SYDE2: variants seen among roughly 807,000 people sequenced by gnomAD.
The protein encoded by SYDE2 is rho GTPase-activating protein SYDE2.
Under a neutral mutation model 91.5 loss-of-function variants are expected in SYDE2, and 76 were observed. The ratio of observed to expected loss-of-function variants is 0.83; its 90% confidence interval spans 0.69 to 1.01. The LOEUF is 1.01. Among genes scored for constraint, SYDE2 ranks in the 50% least tolerant of loss-of-function variants. SYDE2 has a pLI of 0.00. For missense variants in SYDE2, 1,364 were observed against 1,367.7 expected, an observed-to-expected ratio of 1.00 and a Z score of 0.04; for synonymous variants, 513 against 506.4, an observed-to-expected ratio of 1.01 and a Z score of -0.18.
rs1025573354 is a variant in SYDE2, at chr1:85,190,479, T to G, written c.1019A>C (p.Tyr340Ser). The G allele has an allele frequency of 1.2e-6, 2 of 1,614,030 alleles. No individual in the cohort carries two copies. The highest frequency in any genetic ancestry group is 8.5e-7 in the Non-Finnish European group (1 of 1,179,888). ...AGAGTTTGTAGCGTTACATACCACA[T>G]ATGTACAGTACTCTTTAGATGATTT... Reference protein sequence around the residue: ...FLKSSKEYCTYVVCNATNSSL... With the variant: ...FLKSSKEYCTSVVCNATNSSL... The change falls in exon 2 of 7, where the codon TAT becomes TCT. Residue 340 changes from tyrosine (Y) to serine (S), a missense_variant. Physicochemically the swap from Tyr to Ser is moderately radical, Grantham distance 144. Transcript: ENST00000341460.
rs918554849 is a variant in SYDE2, at chr1:85,166,574, A to G, written c.2854-1817T>C. On this transcript the variant is annotated intron_variant, in intron 5 of 6. Coordinates refer to ENST00000341460, the MANE Select transcript of SYDE2 (RefSeq NM_032184.2). ...GTAGTAAATGAGTGATGAAGAAGTGATAACAGCTGGAATAAATAGCCCTTC... is the reference window on the plus strand; with the variant it reads ...GTAGTAAATGAGTGATGAAGAAGTGGTAACAGCTGGAATAAATAGCCCTTC... Among the ~76,000 whole-genome samples, 11 of 152,290 alleles carry G rather than the reference A, an allele frequency of 7.2e-5. 1 individual carries two copies. Among genetic ancestry groups the G allele is most frequent in the Admixed American group, 2.6e-4 (4 of 15,298 alleles).
chr1:85,186,901 C>A (rs1254892655), intron 2 of SYDE2, among the ~76,000 whole-genome samples: 1 of 152,168 alleles, frequency 6.6e-6, no homozygotes, highest in Non-Finnish European at 1.5e-5. Context: ...AGACCTAAAA[C>A]CATAAAAACC....
downstream of SYDE2, chr1:85,153,477 T>C (rs1656817407): frequency 6.6e-6 from 1 of 152,166 alleles, no homozygotes; most frequent in East Asian, 1.9e-4. Context: ...TGTCACTGTT[T>C]TGCCTGCTCG....
downstream of SYDE2, among the ~76,000 whole-genome samples, chr1:85,156,372 T>A (rs1656882711): frequency 6.7e-6 from 1 of 150,002 alleles, no homozygotes; most frequent in Admixed American, 6.7e-5. Context: ...TATACTGAGA[T>A]CTTGTCTCTA....
chr1:85,186,990 G>C (rs1160424344), intron 2 of SYDE2, among the ~76,000 whole-genome samples: 1 of 151,972 alleles, frequency 6.6e-6, no homozygotes, highest in East Asian at 1.9e-4. Context: ...AAAAGCAATG[G>C]CAACAAAAGC....
At chr1:85,161,324 C>A (rs528113939) in intron 6 of SYDE2, among the ~76,000 whole-genome samples, 1 of 151,840 alleles carries the variant, frequency 6.6e-6, no homozygotes, top group Admixed American at 6.6e-5. Flanking sequence ...AAAAAGAATC[C>A]CCAATGTCAC....
At position 85,182,478 on chromosome 1, in the gene SYDE2, G is replaced by A. The variant is rs755971966; in HGVS notation, c.2164C>T (p.Arg722Ter). The part of the protein sequence containing the change: ...NKARTALLTC[R>*]TTFLDMDHTF... ...TGATCCATGTCTAAAAATGTTGTTC[G>A]GCATGTGAGCAAAGCTGTTCTTGCT... The change falls in exon 3 of 7, where the codon CGA becomes TGA. Residue 722 changes from arginine to a stop codon, truncating the protein, a stop_gained. Coordinates refer to ENST00000341460, the MANE Select transcript of SYDE2 (RefSeq NM_032184.2). LOFTEE classifies it high-confidence loss of function. The A allele has an allele frequency of 4.5e-5, 73 of 1,613,442 alleles. No individual in the cohort carries two copies. Among genetic ancestry groups the A allele is most frequent in the East Asian group, 8.9e-5 (4 of 44,878 alleles).
rs771658486 is a variant in SYDE2, at chr1:85,200,369, G to C, written c.628C>G (p.Arg210Gly). ...CCTGTGACTTTGGGAGCCGTCCCAC[G>C]GGCACGACCCTTCATTCCCAGGGAC... ...LLSLGMKGRA[R>G]GTAPKVTGTQ... The change falls in exon 1 of 7, where the codon CGT becomes GGT. Residue 210 changes from arginine (R) to glycine (G), a missense_variant. Physicochemically the swap from Arg to Gly is moderately radical, Grantham distance 125 (BLOSUM62 -2). Coordinates refer to ENST00000341460, the MANE Select transcript of SYDE2 (RefSeq NM_032184.2). The C allele has an allele frequency of 5.6e-6, 9 of 1,614,004 alleles. No individual in the cohort carries two copies. The highest frequency in any genetic ancestry group is 2.2e-5 in the South Asian group (2 of 91,086).
chr1:85,172,122 A>C (rs548887937), intron 4 of SYDE2, among the ~76,000 whole-genome samples: 9 of 152,362 alleles, frequency 5.9e-5, no homozygotes, highest in Admixed American at 5.9e-4. Context: ...TTTGTCCAAG[A>C]TGTAAGGAAG....
At position 85,157,100 on chromosome 1, in the gene SYDE2, G is replaced by A. The variant is rs1374045601; in HGVS notation, c.*1650C>T. 2 of 151,652 alleles carry A rather than the reference G, an allele frequency of 1.3e-5. No homozygotes were observed. Among genetic ancestry groups the A allele is most frequent in the Non-Finnish European group, 2.9e-5 (2 of 67,854 alleles). 9.4% of individuals were successfully genotyped at this position (151,652 alleles called of 1,614,324 possible). On this transcript the variant is annotated 3_prime_UTR_variant, in exon 7 of 7. Transcript: ENST00000341460. ...AAAAATATTTATCTTTTTTAACAAT[G>A]GGTTTTCAAATTAAATAATGTCTGT...
At chr1:85,183,506 G>A (rs931649874) in intron 2 of SYDE2, among the ~76,000 whole-genome samples, 1 of 151,978 alleles carries the variant, frequency 6.6e-6, no homozygotes, top group African/African-American at 2.4e-5. Context: ...CAATTAAAAT[G>A]AGAAAAAGTG....
rs1403019611 is a variant in SYDE2 at position 85,182,893 on chromosome 1, A to G, written c.1749T>C (p.Ala583=). The G allele has an allele frequency of 1.9e-5, 30 of 1,613,668 alleles. No homozygotes were observed. The highest frequency in any genetic ancestry group is 1.0e-4 in the Admixed American group (6 of 59,982). ...DILPSGNTTT[A]AKRNVISRYH... The stretch of plus-strand genomic sequence containing the variant: ...ATCGGCTTATAACATTCCTCTTAGC[A>G]GCGGTGGTTGTGTTCCCAGAGGGCA... The change falls in exon 3 of 7, where the codon GCT becomes GCC. Residue 583 remains alanine, a synonymous_variant. Transcript: ENST00000341460.
Position 85,200,791 on chromosome 1 carries a change from G to A in SYDE2, c.206C>T (p.Pro69Leu), listed in dbSNP as rs200965031. The A allele has an allele frequency of 1.6e-3, 2,371 of 1,513,022 alleles. 2 individuals are homozygous for A. Among genetic ancestry groups the A allele is most frequent in the Non-Finnish European group, 2.0e-3 (2,238 of 1,136,808 alleles). 93.7% of individuals were successfully genotyped at this position (1,513,022 alleles called of 1,614,324 possible). ...VSPPRSPQRE[P>L]RGGQLRTPRM... ...AGGAGTCCGCAGCTGGCCTCCCCGC[G>A]GCTCCCTCTGAGGCGACCGGGGCGG... The change falls in exon 1 of 7, where the codon CCG becomes CTG. Residue 69 changes from proline (P) to leucine (L), a missense_variant. Transcript: ENST00000341460.
At chr1:85,169,522 GC>G (rs567294108) in intron 4 of SYDE2, among the ~76,000 whole-genome samples, 72 of 152,166 alleles carry the variant, frequency 4.7e-4, no homozygotes, top group Admixed American at 4.3e-3. Context: ...TATTGATTCT[GC>G]CCCCTATAAA....
chr1:85,194,057 ATT>A (rs1483764086), intron 1 of SYDE2, among the ~76,000 whole-genome samples: 2 of 152,058 alleles, frequency 1.3e-5, no homozygotes, highest in African/African-American at 4.8e-5. Context: ...TATAATTTAT[ATT>A]GTGTATTATA....
At chr1:85,200,135 T>TGTAA in intron 1 of SYDE2, 117 bp downstream of exon 1, 1 of 1,544,096 alleles carries the variant, frequency 6.5e-7, no homozygotes, top group Non-Finnish European at 8.7e-7. Flanking sequence ...ACACTTACTT[T>TGTAA]CGCCCGGTAA....
chr1:85,190,321 C>A lies in SYDE2; in HGVS notation c.1177G>T (p.Asp393Tyr). ...GCAGGGAGCTTCAGAACAGCAGAGT[C>A]GGCCTCACCAAAACTCAAGGCACTT... ...ISSALSFGEA[D>Y]SAVLKLPAVN... Residue 393 changes from aspartate to tyrosine, a missense_variant, in exon 2 of 7, where the codon GAC becomes TAC. By Grantham distance (160) the Asp-to-Tyr change is radical. Coordinates refer to ENST00000341460, the MANE Select transcript of SYDE2 (RefSeq NM_032184.2). The A allele has an allele frequency of 6.2e-7, 1 of 1,613,882 alleles. No homozygotes were observed. Among genetic ancestry groups the A allele is most frequent in the East Asian group, 2.2e-5 (1 of 44,886 alleles).
rs762590706 is a variant in SYDE2, at chr1:85,159,115, T to G, written c.3220A>C (p.Arg1074=). The stretch of plus-strand genomic sequence containing the variant: ...CTGTCTAATCGGTTTTGCCTTGGCC[T>G]AAGTACTCCTGATGAATCAGTACCA... ...LSGTDSSGVL[R]PRQNRLDSPL... is the part of the protein sequence containing the mutation. Residue 1074 remains arginine (R), a synonymous_variant, in exon 7 of 7, where the codon AGG becomes CGG. Coordinates refer to ENST00000341460, the MANE Select transcript of SYDE2 (RefSeq NM_032184.2). The G allele has an allele frequency of 1.2e-5, 9 of 780,788 alleles. No individual in the cohort carries two copies. The highest frequency in any genetic ancestry group is 2.2e-5 in the Non-Finnish European group (9 of 417,990). The allele number at this position is 780,788 out of a possible 1,614,324, so 48.4% of individuals were successfully genotyped here.
At chr1:85,195,195 T>G (rs1404198777) in intron 1 of SYDE2, among the ~76,000 whole-genome samples, 3 of 152,104 alleles carry the variant, frequency 2.0e-5, no homozygotes, top group African/African-American at 7.2e-5. Flanking sequence ...TAGAGAGACA[T>G]CTTTTCATCA....
Sources: gnomAD v4.1 joint callset for allele counts (sites outside exome capture counted in the v4.1 genomes callset) on GRCh38, gnomAD v4.1.1 for gene constraint, MANE v1.5 for transcripts, NCBI Gene and HGNC (gene_info 2026-07-23, HGNC 2026-07-21) for gene names.